CEP85L: variants seen among roughly 807,000 people sequenced by gnomAD.
The protein encoded by CEP85L is centrosomal protein 85L, also known as centrosomal protein of 85 kDa-like.
CEP85L carries 60 observed loss-of-function variants against 100.3 expected under a neutral mutation model. That is an observed-to-expected ratio of 0.60 (90% CI 0.49 to 0.74). The LOEUF is 0.74. CEP85L is among the 30% of genes least tolerant of loss of function. CEP85L has a pLI of 0.00. For missense variants in CEP85L, 973 were observed against 936.2 expected (o/e 1.04, Z -0.51); for synonymous variants, 319 against 322.7 (o/e 0.99, Z 0.12).
At chr6:118,674,593 G>A (rs528106749) in intron 1 of CEP85L, among the ~76,000 whole-genome samples, 2 of 151,340 alleles carry the variant, frequency 1.3e-5, no homozygotes, top group Non-Finnish European at 2.9e-5. Flanking sequence ...ACTGATAAGG[G>A]ATTTGTATCC....
At chr6:118,672,140 G>A (rs181933946) in intron 1 of CEP85L, among the ~76,000 whole-genome samples, 4 of 152,180 alleles carry the variant, frequency 2.6e-5, no homozygotes, top group Non-Finnish European at 4.4e-5. Context: ...GGGCTCAAGC[G>A]ATTCTCCTGC....
chr6:118,522,926 A>G (rs7757337), intron 4 of CEP85L, among the ~76,000 whole-genome samples: 102,661 of 151,746 alleles, frequency 0.68, 35,435 homozygotes, highest in Middle Eastern at 0.74. Context: ...AAATGCAGAT[A>G]TCTGTGGTCT....
At chr6:118,662,296 A>G (rs10457345) in intron 1 of CEP85L, among the ~76,000 whole-genome samples, 107,409 of 151,900 alleles carry the variant, frequency 0.71, 38,682 homozygotes, top group Non-Finnish European at 0.75. Context: ...TTGGGAGGCC[A>G]AGGTGGGCAG....
intron 1 of CEP85L, among the ~76,000 whole-genome samples, chr6:118,684,010 T>G (rs971708544): frequency 6.6e-6 from 1 of 152,238 alleles, no homozygotes; most frequent in Non-Finnish European, 1.5e-5. Flanking sequence ...TGATAATATT[T>G]TCTCTTTGTT....
At chr6:118,650,753 C>G (rs1185904269) in intron 1 of CEP85L, among the ~76,000 whole-genome samples, 1 of 152,140 alleles carries the variant, frequency 6.6e-6, no homozygotes. Flanking sequence ...GTCGGGAGGG[C>G]GCGGAACTGC....
intron 2 of CEP85L, among the ~76,000 whole-genome samples, chr6:118,585,702 T>C (rs1410164980): frequency 1.3e-5 from 2 of 152,222 alleles, no homozygotes; most frequent in African/African-American, 4.8e-5. Flanking sequence ...AACTTATCAA[T>C]GTGCCCAGAG....
At chr6:118,638,621 T>C (rs1481549796) in intron 1 of CEP85L, among the ~76,000 whole-genome samples, 1 of 150,162 alleles carries the variant, frequency 6.7e-6, no homozygotes, top group Non-Finnish European at 1.5e-5. Flanking sequence ...CTGGCAATAA[T>C]GTCTTACCTA....
intron 1 of CEP85L, chr6:118,646,902 C>T (rs1007733148): frequency 7.1e-6 from 7 of 982,534 alleles, no homozygotes; most frequent in Non-Finnish European, 8.5e-6. Flanking sequence ...AGGTTATCAA[C>T]TCACCATTTA....
At chr6:118,632,775 A>C (rs568433861) in intron 1 of CEP85L, among the ~76,000 whole-genome samples, 164 bp from the exon 2 acceptor site, 5 of 152,388 alleles carry the variant, frequency 3.3e-5, no homozygotes, top group African/African-American at 1.2e-4. Flanking sequence ...AAATGTATAT[A>C]TCACACATAT....
intron 5 of CEP85L, among the ~76,000 whole-genome samples, chr6:118,506,377 C>T (rs959222427): frequency 6.6e-6 from 1 of 152,036 alleles, no homozygotes; most frequent in Non-Finnish European, 1.5e-5. Flanking sequence ...TAGGGCTTGC[C>T]GTGCAGGTGG....
chr6:118,497,807 T>A (rs1189262355), intron 5 of CEP85L, among the ~76,000 whole-genome samples: 1 of 152,108 alleles, frequency 6.6e-6, no homozygotes, highest in African/African-American at 2.4e-5. Flanking sequence ...AGCAAGAGCA[T>A]CGGAAAAGGA....
chr6:118,616,897 A>G (rs1460319213), intron 2 of CEP85L, among the ~76,000 whole-genome samples: 2 of 150,426 alleles, frequency 1.3e-5, no homozygotes, highest in Non-Finnish European at 3.0e-5. Context: ...GTGAACCATG[A>G]TAGTGCCACT....
At chr6:118,490,001 A>G (rs751819384) in intron 6 of CEP85L, among the ~76,000 whole-genome samples, 3 of 152,076 alleles carry the variant, frequency 2.0e-5, no homozygotes, top group Non-Finnish European at 4.4e-5. Flanking sequence ...ACACACGCAC[A>G]CACACACACA....
chr6:118,661,362 ATT>A (rs151021897), intron 1 of CEP85L, among the ~76,000 whole-genome samples: 1,747 of 152,228 alleles, frequency 0.011, 45 homozygotes, highest in African/African-American at 0.04. Flanking sequence ...TATCCAGAGT[ATT>A]TTTTCTTGTG....
chr6:118,504,541 C>A (rs1775521987), intron 5 of CEP85L, among the ~76,000 whole-genome samples: 1 of 152,164 alleles, frequency 6.6e-6, no homozygotes, highest in Non-Finnish European at 1.5e-5. Flanking sequence ...TTATCTCATA[C>A]CTTCCCCTAT....
At chr6:118,686,838 A>G (rs1028903862) in intron 1 of CEP85L, among the ~76,000 whole-genome samples, 6 of 152,214 alleles carry the variant, frequency 3.9e-5, no homozygotes, top group African/African-American at 1.4e-4. Flanking sequence ...GGCAACCAGA[A>G]TGGACTTTTT....
intron 5 of CEP85L, among the ~76,000 whole-genome samples, chr6:118,505,148 T>C (rs1423279707): frequency 2.6e-5 from 4 of 151,794 alleles, no homozygotes; most frequent in African/African-American, 9.7e-5. Flanking sequence ...TTCAAAAAGT[T>C]ATCACAGGTG....
chr6:118,529,994 A>C (rs909400755), intron 3 of CEP85L, among the ~76,000 whole-genome samples: 11 of 152,312 alleles, frequency 7.2e-5, no homozygotes, highest in African/African-American at 2.6e-4. Context: ...GCAGAGTGAC[A>C]GTATCACTCT....
In CEP85L at chr6:118,561,235, C is replaced by T. The variant is rs60113535; in HGVS notation, c.1020+4294G>A. On this transcript the variant is annotated intron_variant, in intron 3 of 12. Coordinates refer to ENST00000368491, the MANE Select transcript of CEP85L (RefSeq NM_001042475.3). ...TTATAAACAACAGGTGATACACTCA[C>T]CTCACTGGTTTTAGTAAATTACCAA... Among the ~76,000 whole-genome samples the T allele has an allele frequency of 5.4e-3, 825 of 152,260 alleles. 8 individuals carry two copies. Among genetic ancestry groups the T allele is most frequent in the African/African-American group, 0.019 (785 of 41,548 alleles).
Sources: allele counts gnomAD v4.1 joint callset (sites outside exome capture counted in the v4.1 genomes callset), GRCh38; gene constraint gnomAD v4.1.1; transcripts MANE v1.5; gene names NCBI Gene and HGNC (gene_info 2026-07-23, HGNC 2026-07-21).